Variants in GAL observed in about 807,000 individuals in gnomAD.
GAL encodes the protein galanin peptides.
Under a neutral mutation model 15.8 loss-of-function variants are expected in GAL, and 14 were observed. The observed-to-expected ratio is 0.89, with a 90% CI of 0.59 to 1.39. GAL has a LOEUF of 1.39. Ranked by LOEUF, GAL falls within the 40% of genes most tolerant of loss-of-function variation. GAL has a pLI of 0.00. For missense variants in GAL, 176 were observed against 170.4 expected (o/e 1.03, Z -0.18); for synonymous variants, 79 against 73.8 (o/e 1.07, Z -0.36).
chr11:68,689,485 C>T (rs1945886000), intron 5 of GAL, among the ~76,000 whole-genome samples: 1 of 152,056 alleles, frequency 6.6e-6, no homozygotes, highest in East Asian at 1.9e-4. Context: ...CAGCCTCTGC[C>T]TCCTGGGCTC....
At chr11:68,685,798 T>TGGG in intron 3 of GAL, 150 bp downstream of exon 3, 1 of 686,680 alleles carries the variant, frequency 1.5e-6, no homozygotes. Context: ...GCACACTTGA[T>TGGG]CTGTGTACGG....
intron 2 of GAL, 106 bp downstream of exon 2, chr11:68,685,110 G>A (rs113542277): frequency 7.4e-5 from 54 of 729,710 alleles, no homozygotes; most frequent in Non-Finnish European, 8.7e-5. Context: ...GGGGATGGGG[G>A]TGGAAAGTGG....
rs538910813 is a variant in GAL, at chr11:68,691,038, A to C, written c.*51A>C. 124 of 1,119,478 alleles carry C rather than the reference A, an allele frequency of 1.1e-4. 1 individual carries two copies. In the South Asian group the frequency reaches 1.5e-3, roughly 13 times the overall value. The allele number at this position is 1,119,478 out of a possible 1,614,324, so 69.3% of individuals were successfully genotyped here. On this transcript the variant is annotated 3_prime_UTR_variant, in exon 6 of 6. Transcript: ENST00000265643. ...GTGCTGTAACCTGAAGTCAAACCTTAAGATAATGGATAATCTTCGGCCAAT... is the reference window on the plus strand; with the variant it reads ...GTGCTGTAACCTGAAGTCAAACCTTCAGATAATGGATAATCTTCGGCCAAT...
intron 2 of GAL, 80 bp from the exon 3 acceptor site, chr11:68,685,514 G>A: frequency 1.0e-6 from 1 of 953,618 alleles, no homozygotes; most frequent in Non-Finnish European, 1.7e-6. Flanking sequence ...CCTCTGCCAT[G>A]CCGGGAAAGC....
rs1036380082 is a variant in GAL, at chr11:68,685,632, C to T, written c.120C>T (p.Gly40=). The change falls in exon 3 of 6, where the codon GGC becomes GGT. Residue 40 remains glycine, a synonymous_variant. Coordinates refer to ENST00000265643, the MANE Select transcript of GAL (RefSeq NM_015973.5). ...GAGGCTGGACCCTGAACAGCGCGGG[C>T]TACCTGCTGGGCCCACGTAAGTGAC... ...EKRGWTLNSA[G]YLLGPHAVGN... 3 of 1,613,032 alleles carry T rather than the reference C, an allele frequency of 1.9e-6. No individual in the cohort carries two copies. In the African/African-American group the frequency reaches 4.0e-5, roughly 21 times the overall value.
chr11:68,688,757 G>T, intron 4 of GAL, 92 bp from the exon 5 acceptor site: 1 of 716,130 alleles, frequency 1.4e-6, no homozygotes, highest in East Asian at 2.6e-5. Flanking sequence ...CATTGACCTT[G>T]CAGCGCCCAG....
chr11:68,685,341 G>C (rs1216528360), intron 2 of GAL, among the ~76,000 whole-genome samples: 2 of 152,278 alleles, frequency 1.3e-5, no homozygotes, highest in Admixed American at 6.5e-5. Flanking sequence ...CGTGGCCTCA[G>C]CGTCACTAAA....
In GAL at chr11:68,684,747, G is replaced by A. The variant is rs1945832811; in HGVS notation, c.-1+15G>A. ...CGCAGCTCAAGGTACTACTGGCGCCGGGCCGACCCTGCGCCCCCGGGAGGC... is the reference window on the plus strand; with the variant it reads ...CGCAGCTCAAGGTACTACTGGCGCCAGGCCGACCCTGCGCCCCCGGGAGGC... On this transcript the variant is annotated intron_variant, in intron 1 of 5. Coordinates refer to ENST00000265643, the MANE Select transcript of GAL (RefSeq NM_015973.5). The A allele has an allele frequency of 5.9e-6, 3 of 507,842 alleles. No homozygotes were observed. The highest frequency in any genetic ancestry group is 3.5e-5 in the Admixed American group (1 of 28,320). The allele number at this position is 507,842 out of a possible 1,614,324, so 31.5% of individuals were successfully genotyped here.
intron 5 of GAL, 62 bp from the exon 6 acceptor site, chr11:68,690,855 T>C (rs1011799986): frequency 9.5e-7 from 1 of 1,049,156 alleles, no homozygotes; most frequent in Non-Finnish European, 1.5e-6. Context: ...TGTGTCGTGG[T>C]TGTAATTCTC....
intron 3 of GAL, among the ~76,000 whole-genome samples, chr11:68,686,193 A>G (rs1945851163): frequency 6.6e-6 from 1 of 152,034 alleles, no homozygotes; most frequent in Non-Finnish European, 1.5e-5. Context: ...CTGCTGCCTG[A>G]GGTGAGCCCT....
rs557252719 is a variant in GAL at position 68,691,052 on chromosome 11, T to A, written c.*65T>A. 2.7e-5 allele frequency: 27 copies of A among 997,338 alleles called. 1 individual carries two copies. Among genetic ancestry groups the A allele is most frequent in the East Asian group, 1.2e-4 (5 of 41,822 alleles). The allele number at this position is 997,338 out of a possible 1,614,324, so 61.8% of individuals were successfully genotyped here. A position where few individuals can be genotyped will look rare whatever the true frequency, so the allele number is the denominator to read the frequency against. ...AGTCAAACCTTAAGATAATGGATAA[T>A]CTTCGGCCAATTTATGCAGAGTCAG... On this transcript the variant is annotated 3_prime_UTR_variant, in exon 6 of 6. Coordinates refer to ENST00000265643, the MANE Select transcript of GAL (RefSeq NM_015973.5).
chr11:68,685,737 G>A, intron 3 of GAL, 89 bp downstream of exon 3: 2 of 876,954 alleles, frequency 2.3e-6, no homozygotes, highest in Non-Finnish European at 1.9e-6. Context: ...CCTGCGGCTG[G>A]GCAGACCCTC....
In GAL at chr11:68,688,103, G is replaced by A. The variant is rs202155593; in HGVS notation, c.223+3G>A. ...GCCCGAAGATGACATGAAACCAGGT[G>A]AGAGGACTCCTATCCCGGGCCCCGG... On this transcript the variant is annotated splice_donor_region_variant and intron_variant, in intron 4 of 5. Transcript: ENST00000265643. The A allele has an allele frequency of 1.7e-5, 27 of 1,593,988 alleles. No homozygotes were observed. The East Asian group carries it at 5.4e-4, about 32-fold the overall frequency.
chr11:68,689,435 C>T (rs1369690509), intron 5 of GAL, among the ~76,000 whole-genome samples: 3 of 151,632 alleles, frequency 2.0e-5, no homozygotes, highest in Admixed American at 1.3e-4. Flanking sequence ...CTCACTCTGT[C>T]GCCCAGGCTC....
Position 68,684,707 on chromosome 11 carries a change from G to T in GAL, c.-26G>T. The T allele has an allele frequency of 2.4e-6, 1 of 415,502 alleles. No individual in the cohort carries two copies. Among genetic ancestry groups the T allele is most frequent in the Non-Finnish European group, 4.3e-6 (1 of 235,002 alleles). The allele number at this position is 415,502 out of a possible 1,614,324, so 25.7% of individuals were successfully genotyped here. ...CACCGCACCCGGACCCCGACGCTCC[G>T]AACCCGGGCGCAGCCGCAGCTCAAG... On this transcript the variant is annotated 5_prime_UTR_variant, in exon 1 of 6. Transcript: ENST00000265643.
In GAL at chr11:68,684,947, GCTCGCCTCCCTCCTC is replaced by G; in HGVS notation, c.31_45del (p.Ser11_Ala15del). 1 of 1,609,072 alleles carries G rather than the reference GCTCGCCTCCCTCCTC, an allele frequency of 6.2e-7. No individual in the cohort carries two copies. The highest frequency in any genetic ancestry group is 2.2e-5 in the East Asian group (1 of 44,812). Reference sequence around the variant, plus strand: ...AGATGGCCCGAGGCAGCGCCCTCCTGCTCGCCTCCCTCCTCCTCGCCGCGGCCCTTTCTGCCTCTG... The same window carrying G: ...AGATGGCCCGAGGCAGCGCCCTCCTGCTCGCCGCGGCCCTTTCTGCCTCTG... On this transcript the variant is annotated inframe_deletion, in exon 2 of 6. Coordinates refer to ENST00000265643, the MANE Select transcript of GAL (RefSeq NM_015973.5).
At chr11:68,685,386 G>C (rs1295810416) in intron 2 of GAL, among the ~76,000 whole-genome samples, 2 of 152,248 alleles carry the variant, frequency 1.3e-5, no homozygotes, top group South Asian at 4.1e-4. Context: ...GCGGGCTCAG[G>C]CCCTCAAGTG....
At chr11:68,686,870 T>TTGC (rs1566302592) in intron 3 of GAL, among the ~76,000 whole-genome samples, 1 of 152,206 alleles carries the variant, frequency 6.6e-6, no homozygotes, top group Non-Finnish European at 1.5e-5. Context: ...TTTATCTGTG[T>TTGC]TGCTTTGGAA....
intron 3 of GAL, 52 bp downstream of exon 3, chr11:68,685,700 C>A: frequency 1.5e-6 from 2 of 1,335,504 alleles, no homozygotes; most frequent in Non-Finnish European, 2.1e-6. Context: ...CTGCCCCTCG[C>A]TTTGAACCCT....
Sources: allele counts gnomAD v4.1 joint callset (sites outside exome capture counted in the v4.1 genomes callset), GRCh38; gene constraint gnomAD v4.1.1; transcripts MANE v1.5; gene names NCBI Gene and HGNC (gene_info 2026-07-23, HGNC 2026-07-21).